The following HERC1 variants were observed in gnomAD, a reference collection of about 807,000 sequenced individuals.
The protein encoded by HERC1 is probable E3 ubiquitin-protein ligase HERC1.
In HERC1, 160 loss-of-function variants were observed where a neutral mutation model predicts 554.3. That is an observed-to-expected ratio of 0.29 (90% CI 0.25 to 0.33). HERC1 has a LOEUF of 0.33. Ranked by LOEUF, HERC1 falls within the 10% of genes least tolerant of loss-of-function variation. The pLI, the probability that HERC1 is intolerant of heterozygous loss-of-function variation, is 1.00. For missense variants in HERC1, 4,919 were observed against 5,918.5 expected (o/e 0.83, Z 5.54); for synonymous variants, 2,175 against 2,131.7 (o/e 1.02, Z -0.56).
intron 4 of HERC1, among the ~76,000 whole-genome samples, chr15:63,757,430 T>C (rs1344088333): frequency 2.0e-5 from 3 of 151,980 alleles, no homozygotes; most frequent in Admixed American, 6.6e-5. Context: ...GCCCGGCTAA[T>C]TTTTGTAAAT....
At chr15:63,746,360 T>TA (rs2075054872) in intron 12 of HERC1, among the ~76,000 whole-genome samples, 1 of 152,222 alleles carries the variant, frequency 6.6e-6, no homozygotes, top group Admixed American at 6.5e-5. Context: ...TTATTTTCTG[T>TA]ATTTTGTATT....
chr15:63,775,627 G>C lies in HERC1; in HGVS notation c.-4C>G. The C allele has an allele frequency of 6.3e-7, 1 of 1,584,748 alleles. No individual in the cohort carries two copies. The highest frequency in any genetic ancestry group is 8.6e-7 in the Non-Finnish European group (1 of 1,167,024). On this transcript the variant is annotated 5_prime_UTR_variant, in exon 2 of 78. It adds an upstream start codon to the 5' untranslated region. Transcript: ENST00000443617. The surrounding 1 kb of genome is among the most constrained non-coding windows in gnomAD (Gnocchi z 4.0). The stretch of plus-strand genomic sequence containing the variant: ...CTGGTGGAATCATAGTTGCCATGTT[G>C]ATTTATCCTTCAGCCATTAGTCCTG...
chr15:63,825,601 G>A (rs1356716900), intron 1 of HERC1, among the ~76,000 whole-genome samples: 1 of 152,018 alleles, frequency 6.6e-6, no homozygotes, highest in Non-Finnish European at 1.5e-5. Flanking sequence ...GGCTTATTTT[G>A]TAATCAGTAA....
At chr15:63,760,051 G>C (rs893668226) in intron 3 of HERC1, among the ~76,000 whole-genome samples, 1 of 152,002 alleles carries the variant, frequency 6.6e-6, no homozygotes, top group Non-Finnish European at 1.5e-5. Flanking sequence ...CTTGATACTG[G>C]CCAGCCAGGA....
chr15:63,719,477 C>T (rs1344351372), intron 19 of HERC1, among the ~76,000 whole-genome samples: 1 of 152,236 alleles, frequency 6.6e-6, no homozygotes, highest in Admixed American at 6.5e-5. Context: ...AGTACAAGTC[C>T]TCCAGGTTTT....
At chr15:63,634,980 C>CT in intron 65 of HERC1, 92 bp from the exon 66 acceptor site, 1 of 876,200 alleles carries the variant, frequency 1.1e-6, no homozygotes, top group East Asian at 2.8e-5. Context: ...TAGCAATAAA[C>CT]TTTACATAAA....
intron 61 of HERC1, 66 bp from the exon 62 acceptor site, chr15:63,638,842 A>G (rs2068902139): frequency 1.8e-6 from 2 of 1,088,596 alleles, no homozygotes; most frequent in Admixed American, 1.7e-5. Flanking sequence ...CTTAACCACA[A>G]AGTCCTCTTC....
At chr15:63,766,633 A>G (rs2075786965) in intron 2 of HERC1, among the ~76,000 whole-genome samples, 1 of 152,264 alleles carries the variant, frequency 6.6e-6, no homozygotes, top group African/African-American at 2.4e-5. Context: ...AAGCTTACTT[A>G]GAATTTTTTA....
intron 12 of HERC1, among the ~76,000 whole-genome samples, chr15:63,735,749 T>C (rs951285556): frequency 4.6e-5 from 7 of 152,162 alleles, no homozygotes; most frequent in African/African-American, 1.7e-4. Flanking sequence ...TGTAAGTCAA[T>C]GTTCTATTAA....
intron 1 of HERC1, among the ~76,000 whole-genome samples, chr15:63,777,423 C>T (rs2076147885): frequency 6.6e-6 from 1 of 152,204 alleles, no homozygotes; most frequent in Non-Finnish European, 1.5e-5. Flanking sequence ...TCCCTTCCCA[C>T]ATAAGCCATA....
intron 3 of HERC1, among the ~76,000 whole-genome samples, chr15:63,760,207 C>A (rs749972173): frequency 1.3e-5 from 2 of 151,736 alleles, no homozygotes; most frequent in African/African-American, 4.8e-5. Flanking sequence ...AACTGGAAAA[C>A]GACTTTTTTT....
At chr15:63,638,946 TGTCA>T (rs2068908477) in intron 61 of HERC1, among the ~76,000 whole-genome samples, 170 bp from the exon 62 acceptor site, 1 of 152,244 alleles carries the variant, frequency 6.6e-6, no homozygotes, top group African/African-American at 2.4e-5. Context: ...TTTTATGCAC[TGTCA>T]GTATTTCCCT....
intron 55 of HERC1, among the ~76,000 whole-genome samples, chr15:63,646,665 G>A (rs1302713682): frequency 3.3e-5 from 5 of 151,606 alleles, no homozygotes; most frequent in South Asian, 2.1e-4. Context: ...AAAATTAGCC[G>A]GGAGTGGTGG....
At chr15:63,682,829 T>C (rs1182665074) in intron 34 of HERC1, among the ~76,000 whole-genome samples, 4 of 150,878 alleles carry the variant, frequency 2.7e-5, no homozygotes, top group Non-Finnish European at 5.9e-5. Context: ...TCTGGATGTA[T>C]GATTAAAAAA....
At chr15:63,675,182 A>G in intron 37 of HERC1, 65 bp from the exon 38 acceptor site, 1 of 1,349,094 alleles carries the variant, frequency 7.4e-7, no homozygotes, top group Non-Finnish European at 1.0e-6. Flanking sequence ...GAAGGTACGG[A>G]AAATAATGTA....
intron 39 of HERC1, 42 bp from the exon 40 acceptor site, chr15:63,669,740 C>G (rs4332694): frequency 1.3e-6 from 2 of 1,543,406 alleles, no homozygotes; most frequent in Non-Finnish European, 1.8e-6. Context: ...ATCCAATTTA[C>G]GAAATAATAC....
chr15:63,654,466 A>C (rs2069895927), intron 50 of HERC1, 142 bp from the exon 51 acceptor site: 1 of 616,940 alleles, frequency 1.6e-6, no homozygotes, highest in East Asian at 2.8e-5. Context: ...AAGAATTGGC[A>C]CTTTTGCAAG....
chr15:63,811,537 C>T (rs1279161948), intron 1 of HERC1, among the ~76,000 whole-genome samples: 1 of 152,088 alleles, frequency 6.6e-6, no homozygotes, highest in Non-Finnish European at 1.5e-5. Flanking sequence ...GGGCCGGGCG[C>T]GGTGGCTCAC....
Position 63,661,851 on chromosome 15 carries a change from A to G in HERC1, c.9072T>C (p.Gly3024=). ...NGSYVDGWFG[G]ECGSGNPYYL... ...AGTACGGATTTCCACTCCCACATTC[A>G]CCGCCAAACCAGCCATCCACATAGG... The change falls in exon 45 of 78, where the codon GGT becomes GGC. Residue 3024 remains glycine, a synonymous_variant. Transcript: ENST00000443617. The G allele has an allele frequency of 6.2e-7, 1 of 1,613,880 alleles. No homozygotes were observed. The highest frequency in any genetic ancestry group is 8.5e-7 in the Non-Finnish European group (1 of 1,179,870).
Sources: allele counts gnomAD v4.1 joint callset (sites outside exome capture counted in the v4.1 genomes callset), GRCh38; gene constraint gnomAD v4.1.1; non-coding constraint Gnocchi (gnomAD v3.1); transcripts MANE v1.5; gene names NCBI Gene and HGNC (gene_info 2026-07-23, HGNC 2026-07-21).